The following ANO1 variants were observed in gnomAD, a reference collection of about 807,000 sequenced individuals.
ANO1 encodes anoctamin-1.
In ANO1, 59 loss-of-function variants were observed where a neutral mutation model predicts 124.0. The ratio of observed to expected loss-of-function variants is 0.48; its 90% confidence interval spans 0.39 to 0.59. The LOEUF is 0.59. Ranked by LOEUF, ANO1 falls within the 20% of genes least tolerant of loss-of-function variation. The pLI, the probability that ANO1 is intolerant of heterozygous loss-of-function variation, is 0.00. For synonymous variants in ANO1, 529 were observed against 532.0 expected, an observed-to-expected ratio of 0.99 and a Z score of 0.08; for missense variants, 1,059 against 1,328.0, an observed-to-expected ratio of 0.80 and a Z score of 3.15.
At chr11:70,051,927 C>T (rs2135083885) in intron 1 of ANO1, among the ~76,000 whole-genome samples, 1 of 152,262 alleles carries the variant, frequency 6.6e-6, no homozygotes, top group African/African-American at 2.4e-5. Context: ...TTTATGGTTA[C>T]TGATTTCTGT....
intron 1 of ANO1, among the ~76,000 whole-genome samples, chr11:69,991,214 G>C (rs1412479102): frequency 6.6e-6 from 1 of 152,184 alleles, no homozygotes; most frequent in African/African-American, 2.4e-5. Flanking sequence ...TTGTTGAAAA[G>C]ACTGTTCTGT....
At chr11:70,036,289 T>C (rs1405873323) in intron 1 of ANO1, among the ~76,000 whole-genome samples, 1 of 152,220 alleles carries the variant, frequency 6.6e-6, no homozygotes, top group Non-Finnish European at 1.5e-5. Context: ...GGCCTTTTCC[T>C]CTTCTACCTG....
intron 11 of ANO1, among the ~76,000 whole-genome samples, chr11:70,149,280 G>A (rs1015508842): frequency 1.3e-5 from 2 of 152,192 alleles, no homozygotes; most frequent in Admixed American, 6.5e-5. Context: ...CAGGATTGGC[G>A]GGAGGGCTGA....
chr11:70,006,666 T>TTTTTTTTTTTTTTTTTTTTTTTC (rs1856496240), intron 1 of ANO1, among the ~76,000 whole-genome samples: 1 of 22,864 alleles, frequency 4.4e-5, no homozygotes, highest in Non-Finnish European at 1.3e-4. Flanking sequence ...CTTCTTTCTT[T>TTTTTTTTTTTTTTTTTTTTTTTC]TTTTTTTTTT....
intron 1 of ANO1, among the ~76,000 whole-genome samples, chr11:70,025,343 G>C (rs1484163279): frequency 6.6e-6 from 1 of 152,220 alleles, no homozygotes; most frequent in African/African-American, 2.4e-5. Flanking sequence ...CTGCAATCAT[G>C]ATCATGATAA....
At chr11:70,133,803 G>C (rs1019883685) in intron 11 of ANO1, among the ~76,000 whole-genome samples, 3 of 152,194 alleles carry the variant, frequency 2.0e-5, no homozygotes, top group African/African-American at 7.2e-5. Context: ...TTGCGGGTGG[G>C]TGTGCACAGC....
intron 11 of ANO1, among the ~76,000 whole-genome samples, chr11:70,133,550 T>A (rs1565234447): frequency 6.6e-6 from 1 of 152,178 alleles, no homozygotes; most frequent in Admixed American, 6.5e-5. Context: ...CTCTGGGGTC[T>A]GCATGCTCCT....
intron 5 of ANO1, among the ~76,000 whole-genome samples, chr11:70,107,792 CG>C (rs536967564): frequency 5.9e-5 from 9 of 151,958 alleles, no homozygotes; most frequent in African/African-American, 7.3e-5. Flanking sequence ...GGCAGGCAGC[CG>C]GGGGGGAATC....
intron 1 of ANO1, among the ~76,000 whole-genome samples, chr11:70,083,211 T>C (rs1377250677): frequency 6.6e-6 from 1 of 152,218 alleles, no homozygotes; most frequent in African/African-American, 2.4e-5. Flanking sequence ...CTGTTGAAGG[T>C]TCACTCTATG....
intron 1 of ANO1, among the ~76,000 whole-genome samples, chr11:69,989,196 C>T (rs1856107552): frequency 6.6e-6 from 1 of 152,108 alleles, no homozygotes; most frequent in African/African-American, 2.4e-5. Context: ...TATTTAAGGT[C>T]CTGTAGCTGG....
upstream of ANO1, among the ~76,000 whole-genome samples, chr11:70,073,441 C>T (rs1164559407): frequency 6.6e-6 from 1 of 152,194 alleles, no homozygotes; most frequent in Non-Finnish European, 1.5e-5. Context: ...TTGTAAAGAG[C>T]TTAGCACGGT....
chr11:70,126,437 A>T (rs914393305), intron 10 of ANO1, among the ~76,000 whole-genome samples: 3 of 152,254 alleles, frequency 2.0e-5, no homozygotes, highest in Admixed American at 1.3e-4. Context: ...AAGGCATAAA[A>T]GAAACATCTG....
intron 8 of ANO1, among the ~76,000 whole-genome samples, chr11:70,123,829 A>C (rs1304514363): frequency 6.6e-6 from 1 of 152,092 alleles, no homozygotes; most frequent in Non-Finnish European, 1.5e-5. Context: ...CACCCTTTAC[A>C]TGTTCACACA....
rs112908628 is a variant in ANO1, at chr11:70,170,190, A to T, written c.2198-697A>T. The T allele has an allele frequency of 2.0e-4, 93 of 455,082 alleles. 1 individual carries two copies. Among genetic ancestry groups the T allele is most frequent in the African/African-American group, 1.3e-3 (66 of 50,154 alleles). The allele number at this position is 455,082 out of a possible 1,614,324, so 28.2% of individuals were successfully genotyped here. A position where few individuals can be genotyped will look rare whatever the true frequency, so the allele number is the denominator to read the frequency against. ...CAGGCAGGTCCCCCAGGTCCCAGGG[A>T]GCCCCCATGATGGAAGCAGCAGGGC... On this transcript the variant is annotated intron_variant, in intron 21 of 25. Transcript: ENST00000355303.
At chr11:70,013,082 A>T (rs1207480313) in intron 1 of ANO1, among the ~76,000 whole-genome samples, 5 of 152,238 alleles carry the variant, frequency 3.3e-5, no homozygotes, top group Non-Finnish European at 5.9e-5. Context: ...AACCTCCCTA[A>T]CAAAAAACCA....
chr11:70,098,124 G>A (rs190236557), intron 2 of ANO1, among the ~76,000 whole-genome samples: 234 of 152,356 alleles, frequency 1.5e-3, no homozygotes, highest in African/African-American at 5.5e-3. Flanking sequence ...TTAGACCACA[G>A]CAGCCCCGCG....
intron 1 of ANO1, among the ~76,000 whole-genome samples, chr11:70,032,196 G>A (rs182938478): frequency 4.3e-4 from 65 of 152,312 alleles, no homozygotes; most frequent in Non-Finnish European, 1.6e-4. Flanking sequence ...GTGGGTCCTG[G>A]GAAGGCTGGG....
At chr11:70,116,997 G>T (rs111999471) in intron 8 of ANO1, among the ~76,000 whole-genome samples, 2 of 151,944 alleles carry the variant, frequency 1.3e-5, no homozygotes, top group African/African-American at 4.8e-5. Context: ...AAATTTACCT[G>T]ACCTGGAACC....
At chr11:69,998,419 G>T (rs1043854664) in intron 1 of ANO1, among the ~76,000 whole-genome samples, 1 of 151,916 alleles carries the variant, frequency 6.6e-6, no homozygotes, top group Non-Finnish European at 1.5e-5. Flanking sequence ...CAGCGTCCTC[G>T]GTTCAGGGGA....
Sources: allele counts gnomAD v4.1 joint callset (sites outside exome capture counted in the v4.1 genomes callset), GRCh38; gene constraint gnomAD v4.1.1; transcripts MANE v1.5; gene names NCBI Gene and HGNC (gene_info 2026-07-23, HGNC 2026-07-21).